Variants in ZNF492 observed in about 807,000 individuals in gnomAD.
ZNF492 encodes the protein zinc finger protein 492, also known as zinc finger protein 115 (Y20).
A neutral mutation model predicts 6.4 loss-of-function variants in ZNF492; 3 were observed. The observed-to-expected ratio is 0.47, with a 90% CI of 0.21 to 1.22. The LOEUF is 1.22. Among genes scored for constraint, ZNF492 ranks in the 50% most tolerant of loss-of-function variants. ZNF492 has a pLI of 0.22. For synonymous variants in ZNF492, 112 were observed against 205.3 expected (o/e 0.55, Z 3.89); for missense variants, 356 against 612.5 (o/e 0.58, Z 4.42).
intron 3 of ZNF492, among the ~76,000 whole-genome samples, chr19:22,661,085 G>A (rs1972054331): frequency 1.3e-5 from 2 of 151,848 alleles, no homozygotes; most frequent in South Asian, 4.2e-4. Context: ...TTGAAAATGT[G>A]CTTAATATGT....
At chr19:22,659,653 G>A (rs1972036006) in intron 3 of ZNF492, among the ~76,000 whole-genome samples, 1 of 138,228 alleles carries the variant, frequency 7.2e-6, no homozygotes, top group Non-Finnish European at 1.5e-5. Flanking sequence ...AATCTGAAGT[G>A]GTTTTTTTTT....
intron 1 of ZNF492, among the ~76,000 whole-genome samples, chr19:22,640,380 T>C (rs1971814537): frequency 6.6e-6 from 1 of 152,216 alleles, no homozygotes; most frequent in Non-Finnish European, 1.5e-5. Flanking sequence ...CAGGCTGGTC[T>C]CGAACTCCTG....
At chr19:22,643,404 A>G (rs1185840075) in intron 1 of ZNF492, among the ~76,000 whole-genome samples, 4 of 152,236 alleles carry the variant, frequency 2.6e-5, no homozygotes, top group Admixed American at 2.0e-4. Context: ...GTTGTCTTCA[A>G]TTTGTTCCAG....
At chr19:22,651,130 G>A (rs566086862) in intron 1 of ZNF492, among the ~76,000 whole-genome samples, 401 of 152,120 alleles carry the variant, frequency 2.6e-3, no homozygotes, top group African/African-American at 8.0e-3. Flanking sequence ...TTCATTCACC[G>A]CCTCCCTTGG....
At chr19:22,639,539 C>A (rs7246932) in intron 1 of ZNF492, among the ~76,000 whole-genome samples, 1 of 151,320 alleles carries the variant, frequency 6.6e-6, no homozygotes, top group Non-Finnish European at 1.5e-5. Flanking sequence ...GGAGAAACCC[C>A]GTCTCTACTA....
At chr19:22,663,002 C>A (rs1006915690) in intron 3 of ZNF492, among the ~76,000 whole-genome samples, 3 of 152,056 alleles carry the variant, frequency 2.0e-5, no homozygotes, top group Admixed American at 2.0e-4. Context: ...GTCATGAAGT[C>A]CTTGCCCATA....
At chr19:22,652,872 C>T (rs915673552) in intron 1 of ZNF492, among the ~76,000 whole-genome samples, 19 of 152,268 alleles carry the variant, frequency 1.2e-4, no homozygotes, top group Non-Finnish European at 2.5e-4. Context: ...AGCCATCGCT[C>T]CCAGCCCAGA....
rs536496428 is a variant in ZNF492, at chr19:22,665,517, T to C, written c.*252T>C. The stretch of plus-strand genomic sequence containing the variant: ...GAGTTTATATTAATAGCATTAAAAG[T>C]GCAATTACTGTCAAAAGAGTTCAAA... On this transcript the variant is annotated 3_prime_UTR_variant, in exon 4 of 4. Transcript: ENST00000456783. 55 of 672,046 alleles carry C rather than the reference T, an allele frequency of 8.2e-5. No individual in the cohort carries two copies. In the East Asian group the frequency reaches 1.8e-3, roughly 22 times the overall value. The allele number at this position is 672,046 out of a possible 1,614,324, so 41.6% of individuals were successfully genotyped here. A position where few individuals can be genotyped will look rare whatever the true frequency, so the allele number is the denominator to read the frequency against.
intron 3 of ZNF492, among the ~76,000 whole-genome samples, chr19:22,658,455 A>G (rs1302943546): frequency 1.3e-5 from 2 of 150,142 alleles, no homozygotes; most frequent in Non-Finnish European, 2.9e-5. Flanking sequence ...TATTTACATT[A>G]TTTTATAAAA....
At chr19:22,660,415 A>ATT (rs963223810) in intron 3 of ZNF492, among the ~76,000 whole-genome samples, 1 of 146,128 alleles carries the variant, frequency 6.8e-6, no homozygotes, top group Non-Finnish European at 1.5e-5. Flanking sequence ...ATTTGTACAG[A>ATT]TTTTTTTTTT....
intron 1 of ZNF492, among the ~76,000 whole-genome samples, chr19:22,639,711 CAAA>C (rs34864212): frequency 5.5e-5 from 5 of 90,562 alleles, no homozygotes; most frequent in Non-Finnish European, 6.9e-5. Flanking sequence ...AACTTGGTCT[CAAA>C]AAAAAAAAAA....
At chr19:22,643,187 T>C (rs1971845632) in intron 1 of ZNF492, among the ~76,000 whole-genome samples, 1 of 152,078 alleles carries the variant, frequency 6.6e-6, no homozygotes, top group Non-Finnish European at 1.5e-5. Context: ...GGCAGGAGAA[T>C]CGCTTGAACC....
rs202104125 is a variant in ZNF492, at chr19:22,666,188, CT to C, written c.*940del. The C allele has an allele frequency of 0.19, 25,749 of 136,080 alleles. 2,353 individuals carry two copies. The highest frequency in any genetic ancestry group is 0.24 in the African/African-American group (8,777 of 36,840). 8.4% of individuals were successfully genotyped at this position (136,080 alleles called of 1,614,324 possible). ...GAAATTAGTTTTTCTTTTTCTTCTT[CT>C]TTTTTTTTTTTTTTTTAGATGGAGT... is the stretch of plus-strand genomic sequence containing the variant. On this transcript the variant is annotated 3_prime_UTR_variant, in exon 4 of 4. Transcript: ENST00000456783.
chr19:22,662,387 T>G (rs1197909312), intron 3 of ZNF492, among the ~76,000 whole-genome samples: 1 of 152,242 alleles, frequency 6.6e-6, no homozygotes, highest in Non-Finnish European at 1.5e-5. Context: ...AGTGCCGCAA[T>G]AAATATACGT....
At chr19:22,655,294 C>CA (rs35079347) in intron 3 of ZNF492, among the ~76,000 whole-genome samples, 37 of 138,588 alleles carry the variant, frequency 2.7e-4, no homozygotes, top group East Asian at 6.4e-4. Flanking sequence ...AACTCCATCT[C>CA]AAAAAAAAAA....
chr19:22,661,891 CCTT>C (rs769307792), intron 3 of ZNF492, among the ~76,000 whole-genome samples: 4 of 152,126 alleles, frequency 2.6e-5, no homozygotes, highest in Non-Finnish European at 4.4e-5. Flanking sequence ...CCACCAAACT[CCTT>C]CTTAATAACC....
In ZNF492 at chr19:22,665,022, T is replaced by G. The variant is rs775391375; in HGVS notation, c.1353T>G (p.Tyr451Ter). Residue 451 changes from tyrosine to a stop codon, truncating the protein, a stop_gained, in exon 4 of 4, where the codon TAT becomes TAG. Coordinates refer to ENST00000456783, the MANE Select transcript of ZNF492 (RefSeq NM_020855.3). LOFTEE classifies it low-confidence loss of function (END_TRUNC). ...VIHTGEKPYK[Y>*]EECGKAFNQS... ...ATACTGGAGAGAAGCCCTACAAATA[T>G]GAAGAATGTGGCAAAGCTTTTAACC... is the stretch of plus-strand genomic sequence containing the variant. The G allele has an allele frequency of 1.3e-5, 21 of 1,583,546 alleles. No individual in the cohort carries two copies. The highest frequency in any genetic ancestry group is 1.7e-5 in the Non-Finnish European group (20 of 1,164,870).
chr19:22,649,582 G>A (rs1043458001), intron 1 of ZNF492, among the ~76,000 whole-genome samples: 11 of 151,368 alleles, frequency 7.3e-5, no homozygotes, highest in Admixed American at 5.9e-4. Flanking sequence ...TGTAGGTTTG[G>A]CCTTTTTATG....
Position 22,653,954 on chromosome 19 carries a change from T to C in ZNF492, c.69T>C (p.Cys23=), listed in dbSNP as rs1421714299. The C allele has an allele frequency of 6.3e-7, 1 of 1,595,684 alleles. No homozygotes were observed. Among genetic ancestry groups the C allele is most frequent in the Non-Finnish European group, 8.5e-7 (1 of 1,175,712 alleles). The change falls in exon 3 of 4, where the codon TGT becomes TGC. Residue 23 remains cysteine, a synonymous_variant. Coordinates refer to ENST00000456783, the MANE Select transcript of ZNF492 (RefSeq NM_020855.3). ...IAASKPDLIT[C]LEQGKEPWNV... ...CCTCTAAGCCAGACCTGATCACCTGTCTGGAGCAAGGAAAAGAACCTTGGA... is the reference window on the plus strand; with the variant it reads ...CCTCTAAGCCAGACCTGATCACCTGCCTGGAGCAAGGAAAAGAACCTTGGA...
Sources: gnomAD v4.1 joint callset for allele counts (sites outside exome capture counted in the v4.1 genomes callset) on GRCh38, gnomAD v4.1.1 for gene constraint, MANE v1.5 for transcripts, NCBI Gene and HGNC (gene_info 2026-07-23, HGNC 2026-07-21) for gene names.